The following PRKAR1B variants were observed in gnomAD, a reference collection of about 807,000 sequenced individuals.
The protein encoded by PRKAR1B is protein kinase cAMP-dependent type I regulatory subunit beta, also known as cAMP-dependent protein kinase type I-beta regulatory subunit.
PRKAR1B carries 22 observed loss-of-function variants against 46.5 expected under a neutral mutation model. The observed-to-expected ratio is 0.47, with a 90% confidence interval of 0.34 to 0.68. The LOEUF is 0.68. Ranked by LOEUF, PRKAR1B falls within the 30% of genes least tolerant of loss-of-function variation. The pLI is 0.01. For synonymous variants in PRKAR1B, 259 were observed against 217.7 expected, an observed-to-expected ratio of 1.19 and a Z score of -1.67; for missense variants, 445 against 535.6, an observed-to-expected ratio of 0.83 and a Z score of 1.67.
intron 2 of PRKAR1B, among the ~76,000 whole-genome samples, chr7:690,609 T>G (rs902518599): frequency 6.6e-6 from 1 of 152,154 alleles, no homozygotes; most frequent in African/African-American, 2.4e-5. Flanking sequence ...GAAGGAACTA[T>G]GTCATAATAA....
chr7:560,253 T>C lies in PRKAR1B; in HGVS notation c.892-8783A>G, dbSNP rs9801019. 0.095 allele frequency among the ~76,000 whole-genome samples: 14,407 copies of C among 152,050 alleles called. 785 individuals carry two copies. Among genetic ancestry groups the C allele is most frequent in the East Asian group, 0.24 (1,218 of 5,172 alleles). ...CCTTCCACCATGATTGTAAGTTTCC[T>C]GAGACCTCCCCAGCCAGGCAGAATC... On this transcript the variant is annotated intron_variant, in intron 9 of 10. Coordinates refer to ENST00000537384, the MANE Select transcript of PRKAR1B (RefSeq NM_001164760.2). The surrounding 1 kb of genome is among the most constrained non-coding windows in gnomAD (Gnocchi z 4.2).
rs1037774326 is a variant in PRKAR1B, at chr7:550,068, G to A, written c.*362C>T. ...CTCACAGGGTCACCAGGCCCCAGGGGCAACGTCCTGGCCTGGTTCTGGGGA... is the reference window on the plus strand; with the variant it reads ...CTCACAGGGTCACCAGGCCCCAGGGACAACGTCCTGGCCTGGTTCTGGGGA... On this transcript the variant is annotated 3_prime_UTR_variant, in exon 11 of 11. Coordinates refer to ENST00000537384, the MANE Select transcript of PRKAR1B (RefSeq NM_001164760.2). 8.5e-6 allele frequency: 2 copies of A among 234,582 alleles called. No individual in the cohort carries two copies. Among genetic ancestry groups the A allele is most frequent in the Non-Finnish European group, 1.7e-5 (2 of 119,170 alleles). 14.5% of individuals were successfully genotyped at this position (234,582 alleles called of 1,614,324 possible).
intron 4 of PRKAR1B, among the ~76,000 whole-genome samples, chr7:636,411 GCCGCGCCC>G (rs1784099089): frequency 2.3e-5 from 2 of 86,316 alleles, no homozygotes; most frequent in Non-Finnish European, 5.2e-5. Context: ...TCCTCCACCG[GCCGCGCCC>G]ACACGTCCTC....
rs376785993 is a variant in PRKAR1B, at chr7:600,302, T to C, written c.550-3998A>G. Among the ~76,000 whole-genome samples, 74 of 152,178 alleles carry C rather than the reference T, an allele frequency of 4.9e-4. No individual in the cohort carries two copies. The East Asian group carries it at 0.013, about 26-fold the overall frequency. ...GGAGGATTGCTTGAAGCCAGGAGTC[T>C]GAGACCAGCCTGGGCAACACAGCAA... On this transcript the variant is annotated intron_variant, in intron 6 of 10. Coordinates refer to ENST00000537384, the MANE Select transcript of PRKAR1B (RefSeq NM_001164760.2).
intron 4 of PRKAR1B, among the ~76,000 whole-genome samples, chr7:668,026 A>G (rs907515331): frequency 6.6e-6 from 1 of 152,172 alleles, no homozygotes; most frequent in African/African-American, 2.4e-5. Flanking sequence ...ACTGTTACGG[A>G]TCGACAAGAG....
intron 9 of PRKAR1B, among the ~76,000 whole-genome samples, chr7:551,763 C>T (rs1193319102): frequency 7.0e-6 from 1 of 143,728 alleles, no homozygotes; most frequent in African/African-American, 2.6e-5. Flanking sequence ...CCACCTCCCG[C>T]CCGGGTCCTT....
intron 1 of PRKAR1B, among the ~76,000 whole-genome samples, chr7:723,845 G>GT (rs1426173173): frequency 2.0e-5 from 3 of 152,278 alleles, no homozygotes; most frequent in South Asian, 2.1e-4. Context: ...TGAGGCTGCC[G>GT]TAACAAAGCA....
chr7:638,003 A>G (rs1292755053), intron 4 of PRKAR1B, among the ~76,000 whole-genome samples: 10 of 152,036 alleles, frequency 6.6e-5, no homozygotes, highest in African/African-American at 2.2e-4. Flanking sequence ...TCCTCTTCCT[A>G]TGGTGCCCCG....
intron 4 of PRKAR1B, among the ~76,000 whole-genome samples, chr7:637,606 G>C (rs929604447): frequency 6.6e-6 from 1 of 152,132 alleles, no homozygotes; most frequent in Non-Finnish European, 1.5e-5. Context: ...GGCCGAGGTG[G>C]GTGGATCACC....
intron 1 of PRKAR1B, among the ~76,000 whole-genome samples, chr7:717,091 G>A (rs1308410576): frequency 1.3e-5 from 2 of 152,172 alleles, no homozygotes; most frequent in Non-Finnish European, 2.9e-5. Context: ...AGGAGTTCGA[G>A]ACCAGCCTGG....
At chr7:725,282 G>T (rs550771234) in intron 1 of PRKAR1B, among the ~76,000 whole-genome samples, 1 of 150,686 alleles carries the variant, frequency 6.6e-6, no homozygotes, top group African/African-American at 2.4e-5. Flanking sequence ...CAACAAAAAA[G>T]AAGGTCAAAC....
At chr7:712,578 C>T (rs1366368447) in intron 1 of PRKAR1B, 4 of 135,312 alleles carry the variant, frequency 3.0e-5, no homozygotes, top group Non-Finnish European at 6.5e-5. Flanking sequence ...CCCGCGCGGG[C>T]CTGCAGCCCG....
Position 583,443 on chromosome 7 carries a change from ACACTCACACCCACTCACACACGTG to A in PRKAR1B, c.769+1041_769+1064del, listed in dbSNP as rs1381095315. Among the ~76,000 whole-genome samples, 7 of 59,356 alleles carry A rather than the reference ACACTCACACCCACTCACACACGTG, an allele frequency of 1.2e-4. 1 individual carries two copies. In the East Asian group the frequency reaches 1.2e-3, roughly 10 times the overall value. The allele number at this position is 59,356 out of a possible 152,430, so 38.9% of individuals were successfully genotyped here. A position where few individuals can be genotyped will look rare whatever the true frequency, so the allele number is the denominator to read the frequency against. On this transcript the variant is annotated intron_variant, in intron 8 of 10. Coordinates refer to ENST00000537384, the MANE Select transcript of PRKAR1B (RefSeq NM_001164760.2). ...GCACACACGCACACACCCACAGTGC[ACACTCACACCCACTCACACACGTG>A]CACTCACACCCACGCACACACGTGT...
At chr7:551,325 C>T in intron 10 of PRKAR1B, 64 bp downstream of exon 10, 1 of 1,483,956 alleles carries the variant, frequency 6.7e-7, no homozygotes, top group Non-Finnish European at 9.2e-7. Context: ...CCTCCAGGCC[C>T]CTCCCGAGAC....
At chr7:558,371 G>A (rs1409149314) in intron 9 of PRKAR1B, among the ~76,000 whole-genome samples, 1 of 150,692 alleles carries the variant, frequency 6.6e-6, no homozygotes, top group African/African-American at 2.4e-5. Flanking sequence ...GGAGGAGGAG[G>A]AGGAGAAGAA....
Position 691,861 on chromosome 7 carries a change from A to G in PRKAR1B, c.178-11135T>C, listed in dbSNP as rs974316776. The G allele has an allele frequency of 8.6e-6, 10 of 1,159,590 alleles. No individual in the cohort carries two copies. The Admixed American group carries it at 3.9e-4, about 45-fold the overall frequency. The allele number at this position is 1,159,590 out of a possible 1,614,324, so 71.8% of individuals were successfully genotyped here. On this transcript the variant is annotated intron_variant, in intron 2 of 10. Transcript: ENST00000537384. Reference sequence around the variant, plus strand: ...TCATCACTCTCCGGTCACCATGACAACGGGCCATCTCACAATCTCTCAGAA... The same window carrying G: ...TCATCACTCTCCGGTCACCATGACAGCGGGCCATCTCACAATCTCTCAGAA...
At chr7:617,246 G>A (rs954687698) in intron 4 of PRKAR1B, among the ~76,000 whole-genome samples, 9 of 150,886 alleles carry the variant, frequency 6.0e-5, no homozygotes, top group African/African-American at 2.2e-4. Context: ...ACCTGCCTTG[G>A]CCTCCCAAAG....
intron 9 of PRKAR1B, among the ~76,000 whole-genome samples, chr7:577,122 G>A (rs550739479): frequency 1.3e-5 from 2 of 151,726 alleles, no homozygotes; most frequent in African/African-American, 4.9e-5. Flanking sequence ...AACGCCATCA[G>A]CGGCCCCGTC....
intron 7 of PRKAR1B, among the ~76,000 whole-genome samples, chr7:592,928 C>T (rs745965278): frequency 2.8e-4 from 42 of 151,856 alleles, no homozygotes; most frequent in Non-Finnish European, 4.7e-4. Flanking sequence ...CCCAGCTACT[C>T]GGGAGGCTGA....
Sources: allele counts gnomAD v4.1 joint callset (sites outside exome capture counted in the v4.1 genomes callset), GRCh38; gene constraint gnomAD v4.1.1; non-coding constraint Gnocchi (gnomAD v3.1); transcripts MANE v1.5; gene names NCBI Gene and HGNC (gene_info 2026-07-23, HGNC 2026-07-21).